The following DAB1 variants were observed in gnomAD, a reference collection of about 807,000 sequenced individuals.
DAB1 encodes the protein DAB adaptor protein 1, also known as disabled homolog 1.
A neutral mutation model predicts 64.6 loss-of-function variants in DAB1; 15 were observed. That is an observed-to-expected ratio of 0.23 (90% CI 0.16 to 0.36). The LOEUF is 0.36. DAB1 is among the 10% of genes least tolerant of loss of function. DAB1 has a pLI of 1.00. For synonymous variants in DAB1, 235 were observed against 251.9 expected (o/e 0.93, Z 0.64); for missense variants, 596 against 706.7 (o/e 0.84, Z 1.78).
chr1:57,147,944 T>A (rs1159841929), intron 2 of DAB1, among the ~76,000 whole-genome samples: 1 of 152,212 alleles, frequency 6.6e-6, no homozygotes, highest in Non-Finnish European at 1.5e-5. Flanking sequence ...GTGGTTTGCT[T>A]GTGTTCTGTG....
intron 4 of DAB1, among the ~76,000 whole-genome samples, chr1:58,343,145 G>A (rs11207198): frequency 0.36 from 54,640 of 151,842 alleles, 10,730 homozygotes; most frequent in East Asian, 0.6. Flanking sequence ...TATAATGCTG[G>A]GGGTGACAGT....
At chr1:57,859,145 G>A (rs1008319078) in intron 1 of DAB1, among the ~76,000 whole-genome samples, 2 of 151,982 alleles carry the variant, frequency 1.3e-5, no homozygotes, top group Non-Finnish European at 2.9e-5. Context: ...TTTCAGCTGG[G>A]GCTACAAAAC....
At chr1:57,608,068 T>A (rs184759126) in intron 7 of DAB1, among the ~76,000 whole-genome samples, 2 of 152,234 alleles carry the variant, frequency 1.3e-5, no homozygotes, top group Admixed American at 1.3e-4. Context: ...GACCCAGGCA[T>A]GCACATACCC....
At chr1:57,819,183 TC>T (rs1310316450) in intron 6 of DAB1, among the ~76,000 whole-genome samples, 1 of 152,166 alleles carries the variant, frequency 6.6e-6, no homozygotes, top group Non-Finnish European at 1.5e-5. Flanking sequence ...CAGCAACATA[TC>T]CCCAGCCGCA....
intron 3 of DAB1, among the ~76,000 whole-genome samples, chr1:58,389,747 A>T (rs1408266131): frequency 6.6e-6 from 1 of 152,240 alleles, no homozygotes; most frequent in Non-Finnish European, 1.5e-5. Context: ...ATCTGCTAGA[A>T]TAGTAAGCTC....
At chr1:57,007,333 T>A (rs1034091129) in intron 14 of DAB1, among the ~76,000 whole-genome samples, 2 of 152,214 alleles carry the variant, frequency 1.3e-5, no homozygotes, top group Non-Finnish European at 2.9e-5. Flanking sequence ...AATGTTTTCA[T>A]TTTTCTTTCA....
intron 9 of DAB1, among the ~76,000 whole-genome samples, chr1:57,047,423 G>A (rs560408175): frequency 6.6e-6 from 1 of 152,088 alleles, no homozygotes; most frequent in Non-Finnish European, 1.5e-5. Context: ...GCTAGATTAG[G>A]TAAAGGGTGG....
intron 1 of DAB1, among the ~76,000 whole-genome samples, chr1:57,379,044 G>A (rs1681141902): frequency 1.3e-5 from 2 of 152,134 alleles, no homozygotes; most frequent in Admixed American, 1.3e-4. Flanking sequence ...GAACTAACTT[G>A]AAGTCTTTAA....
chr1:58,126,808 A>G (rs1183168235), intron 5 of DAB1, among the ~76,000 whole-genome samples: 1 of 151,290 alleles, frequency 6.6e-6, no homozygotes, highest in Admixed American at 6.6e-5. Context: ...TTATGGCTGC[A>G]TAGTATTCCA....
chr1:58,480,830 T>A lies in DAB1; in HGVS notation n.257+25230A>T, dbSNP rs183548341. ...AAAATAAATTCTAGAAGAATTTAGA[T>A]AATATCTGTAATGTACATGATTTGA... On this transcript the variant is annotated intron_variant and non_coding_transcript_variant, in intron 3 of 20. Transcript: ENST00000485760. The A allele has an allele frequency of 1.7e-3, 933 of 549,130 alleles. 16 individuals carry two copies. In the East Asian group the frequency reaches 0.028, roughly 17 times the overall value. The allele number at this position is 549,130 out of a possible 1,614,324, so 34.0% of individuals were successfully genotyped here. A position where few individuals can be genotyped will look rare whatever the true frequency, so the allele number is the denominator to read the frequency against.
At chr1:57,587,368 C>T (rs1645392907) in intron 7 of DAB1, among the ~76,000 whole-genome samples, 3 of 152,092 alleles carry the variant, frequency 2.0e-5, no homozygotes, top group Admixed American at 2.0e-4. Flanking sequence ...AAGCTCTTTC[C>T]CAACCATTAG....
intron 7 of DAB1, among the ~76,000 whole-genome samples, chr1:57,585,610 C>G (rs1042862095): frequency 6.6e-6 from 1 of 152,048 alleles, no homozygotes; most frequent in Non-Finnish European, 1.5e-5. Flanking sequence ...GCATCTGGTT[C>G]GCACATTTAT....
upstream of DAB1, among the ~76,000 whole-genome samples, chr1:57,885,454 C>T (rs987510119): frequency 2.0e-5 from 3 of 152,042 alleles, no homozygotes; most frequent in African/African-American, 7.3e-5. Context: ...TATGTTATAA[C>T]AGATACACAC....
chr1:57,108,591 G>A (rs78529412), intron 4 of DAB1, among the ~76,000 whole-genome samples: 2 of 152,102 alleles, frequency 1.3e-5, no homozygotes, highest in South Asian at 2.1e-4. Context: ...GCAGGGCATC[G>A]TCTTGCTTAA....
intron 5 of DAB1, among the ~76,000 whole-genome samples, chr1:58,103,750 A>G (rs1267431772): frequency 6.6e-6 from 1 of 152,146 alleles, no homozygotes; most frequent in Admixed American, 6.5e-5. Flanking sequence ...CCTTACTTGC[A>G]TTGCTCAAGT....
chr1:57,346,353 T>C (rs1328573975), intron 1 of DAB1, among the ~76,000 whole-genome samples: 1 of 152,194 alleles, frequency 6.6e-6, no homozygotes, highest in Non-Finnish European at 1.5e-5. Context: ...AAAGAGATTT[T>C]GATGTGAAGG....
intron 7 of DAB1, among the ~76,000 whole-genome samples, chr1:57,507,207 C>T (rs1183725762): frequency 2.0e-5 from 3 of 152,154 alleles, no homozygotes; most frequent in African/African-American, 7.2e-5. Context: ...CTATTACGAC[C>T]CTACATGAAT....
chr1:57,371,968 G>A (rs1462906928), intron 1 of DAB1, among the ~76,000 whole-genome samples: 14 of 152,120 alleles, frequency 9.2e-5, no homozygotes, highest in African/African-American at 2.2e-4. Context: ...CTACTGAAAC[G>A]GAGAAATCCT....
At chr1:57,708,518 A>G (rs1646992791) in intron 6 of DAB1, among the ~76,000 whole-genome samples, 1 of 152,224 alleles carries the variant, frequency 6.6e-6, no homozygotes, top group Admixed American at 6.5e-5. Flanking sequence ...GGCTTGCCCT[A>G]GGACTGTGGT....
Sources: allele counts gnomAD v4.1 joint callset (sites outside exome capture counted in the v4.1 genomes callset), GRCh38; gene constraint gnomAD v4.1.1; transcripts MANE v1.5; gene names NCBI Gene and HGNC (gene_info 2026-07-23, HGNC 2026-07-21).